The following ASIC2 variants were observed in gnomAD, a reference collection of about 807,000 sequenced individuals.
The protein encoded by ASIC2 is acid sensing ion channel subunit 2.
ASIC2 carries 25 observed loss-of-function variants against 57.3 expected under a neutral mutation model. The observed-to-expected ratio is 0.44, with a 90% confidence interval of 0.32 to 0.61. ASIC2 has a LOEUF of 0.61. Ranked by LOEUF, ASIC2 falls within the 20% of genes least tolerant of loss-of-function variation. The pLI is 0.06. For synonymous variants in ASIC2, 319 were observed against 307.5 expected (o/e 1.04, Z -0.39); for missense variants, 641 against 738.1 (o/e 0.87, Z 1.52).
chr17:33,339,450 A>T (rs1907644651), intron 1 of ASIC2, among the ~76,000 whole-genome samples: 2 of 152,340 alleles, frequency 1.3e-5, no homozygotes, highest in South Asian at 2.1e-4. Flanking sequence ...ACAAAGATAG[A>T]TGTAGCTGCA....
intron 1 of ASIC2, among the ~76,000 whole-genome samples, chr17:33,790,301 G>T (rs1220075461): frequency 6.6e-6 from 1 of 152,238 alleles, no homozygotes; most frequent in South Asian, 2.1e-4. Flanking sequence ...AACTATGCTA[G>T]ACAAAAGACT....
intron 1 of ASIC2, among the ~76,000 whole-genome samples, chr17:33,996,507 T>C (rs563648617): frequency 1.3e-5 from 2 of 152,362 alleles, no homozygotes; most frequent in South Asian, 4.1e-4. Flanking sequence ...AAGTCTTTAA[T>C]GCATTTCAAG....
chr17:33,242,684 A>G (rs993258161), intron 1 of ASIC2, among the ~76,000 whole-genome samples: 1 of 152,212 alleles, frequency 6.6e-6, no homozygotes, highest in African/African-American at 2.4e-5. Context: ...TTTTCAATTT[A>G]CAAATTCCAC....
chr17:33,361,746 T>C (rs2141931554), intron 1 of ASIC2, among the ~76,000 whole-genome samples: 1 of 152,344 alleles, frequency 6.6e-6, no homozygotes. Context: ...TCCAGTTTCC[T>C]TTCCATCACC....
chr17:33,640,645 G>C (rs949943873), intron 1 of ASIC2, among the ~76,000 whole-genome samples: 10 of 152,252 alleles, frequency 6.6e-5, no homozygotes, highest in African/African-American at 2.4e-4. Flanking sequence ...GGGCCTCACA[G>C]GCCCTGTTGA....
At chr17:33,648,599 C>T (rs770174696) in intron 1 of ASIC2, among the ~76,000 whole-genome samples, 1 of 152,186 alleles carries the variant, frequency 6.6e-6, no homozygotes, top group Non-Finnish European at 1.5e-5. Context: ...CTTCTACATG[C>T]GCAGCCTGCA....
chr17:33,084,366 T>C (rs937149080), intron 3 of ASIC2, among the ~76,000 whole-genome samples: 3 of 152,130 alleles, frequency 2.0e-5, no homozygotes, highest in African/African-American at 7.2e-5. Context: ...GGGCTCATGG[T>C]AGGAAAAGAC....
chr17:33,107,520 C>A (rs1027572775), intron 2 of ASIC2, among the ~76,000 whole-genome samples: 2 of 152,190 alleles, frequency 1.3e-5, no homozygotes, highest in African/African-American at 4.8e-5. Context: ...TCTCTAGGAC[C>A]ACATGCAACT....
At position 33,292,719 on chromosome 17, in the gene ASIC2, G is replaced by T; in HGVS notation, c.-604C>A. ...GCTCCTGGCTGGGCGGGCGGGGTGG[G>T]TGTGTACGGGGGTGAGTGGTCGCCT... is the stretch of plus-strand genomic sequence containing the variant. On this transcript the variant is annotated 5_prime_UTR_variant, in exon 1 of 10. Transcript: ENST00000225823. The T allele has an allele frequency of 2.0e-6, 2 of 985,488 alleles. No homozygotes were observed. Among genetic ancestry groups the T allele is most frequent in the Non-Finnish European group, 2.4e-6 (2 of 830,064 alleles). 61.0% of individuals were successfully genotyped at this position (985,488 alleles called of 1,614,324 possible).
chr17:33,174,981 C>G (rs1398925851), intron 1 of ASIC2, among the ~76,000 whole-genome samples: 1 of 152,134 alleles, frequency 6.6e-6, no homozygotes, highest in Non-Finnish European at 1.5e-5. Flanking sequence ...TCCCTGCCCC[C>G]TACTCCTGCC....
intron 1 of ASIC2, among the ~76,000 whole-genome samples, chr17:33,578,788 TA>T (rs1190069569): frequency 9.2e-6 from 1 of 108,200 alleles, no homozygotes; most frequent in Non-Finnish European, 1.8e-5. Flanking sequence ...CGCATAATCC[TA>T]AGATTAGTCT....
intron 1 of ASIC2, among the ~76,000 whole-genome samples, chr17:33,448,851 G>A (rs1912139009): frequency 6.6e-6 from 1 of 152,196 alleles, no homozygotes; most frequent in African/African-American, 2.4e-5. Flanking sequence ...GACTAGGTGT[G>A]CGATAAATGG....
At chr17:33,494,433 T>C (rs983752533) in intron 1 of ASIC2, among the ~76,000 whole-genome samples, 1 of 152,212 alleles carries the variant, frequency 6.6e-6, no homozygotes, top group South Asian at 2.1e-4. Flanking sequence ...AGTCACTTTC[T>C]TTCCAAGCCA....
chr17:33,603,628 T>C (rs922976236), intron 1 of ASIC2, among the ~76,000 whole-genome samples: 1 of 152,100 alleles, frequency 6.6e-6, no homozygotes, highest in Non-Finnish European at 1.5e-5. Context: ...ACTGCTGGGG[T>C]TGGGTCAGAA....
chr17:34,151,070 T>C (rs900801650), intron 1 of ASIC2, among the ~76,000 whole-genome samples: 2 of 137,810 alleles, frequency 1.5e-5, no homozygotes, highest in Non-Finnish European at 3.1e-5. Flanking sequence ...ACAACTGCAC[T>C]CCAGCCTGGG....
chr17:33,848,452 T>C (rs1008500358), intron 1 of ASIC2, among the ~76,000 whole-genome samples: 7 of 152,156 alleles, frequency 4.6e-5, no homozygotes, highest in African/African-American at 1.7e-4. Flanking sequence ...AGGGGTGTTG[T>C]AGCCCAAAAG....
intron 1 of ASIC2, among the ~76,000 whole-genome samples, chr17:33,737,753 T>C (rs1008455383): frequency 6.6e-6 from 1 of 151,698 alleles, no homozygotes; most frequent in Non-Finnish European, 1.5e-5. Context: ...TCCACCTGCA[T>C]ATAATATCCA....
chr17:33,715,346 C>A (rs1223429192), intron 1 of ASIC2, among the ~76,000 whole-genome samples: 1 of 152,112 alleles, frequency 6.6e-6, no homozygotes, highest in East Asian at 1.9e-4. Context: ...GGAAATAAGG[C>A]CCTGATTTGT....
chr17:33,158,520 A>G (rs1905074569), intron 1 of ASIC2, among the ~76,000 whole-genome samples: 1 of 152,206 alleles, frequency 6.6e-6, no homozygotes, highest in Non-Finnish European at 1.5e-5. Flanking sequence ...AAAGATCTCC[A>G]GGTGGGCTCT....
Sources: allele counts gnomAD v4.1 joint callset (sites outside exome capture counted in the v4.1 genomes callset), GRCh38; gene constraint gnomAD v4.1.1; transcripts MANE v1.5; gene names NCBI Gene and HGNC (gene_info 2026-07-23, HGNC 2026-07-21).